Variants in CACNA1C observed in about 807,000 individuals in gnomAD.
CACNA1C encodes the protein voltage-dependent L-type calcium channel subunit alpha-1C.
CACNA1C carries 30 observed loss-of-function variants against 229.0 expected under a neutral mutation model. The ratio of observed to expected loss-of-function variants is 0.13; its 90% CI spans 0.10 to 0.18. The LOEUF (loss-of-function observed/expected upper bound fraction) is 0.18, where lower values mean the gene tolerates loss of function less well. Among genes scored for constraint, CACNA1C ranks in the 10% least tolerant of loss-of-function variants. CACNA1C has a pLI of 1.00. For missense variants in CACNA1C, 1,658 were observed against 2,845.0 expected, an observed-to-expected ratio of 0.58 and a Z score of 9.49; for synonymous variants, 1,114 against 1,132.5, an observed-to-expected ratio of 0.98 and a Z score of 0.33.
intron 1 of CACNA1C, among the ~76,000 whole-genome samples, chr12:2,064,194 T>C (rs1212537855): frequency 6.6e-6 from 1 of 152,238 alleles, no homozygotes; most frequent in Non-Finnish European, 1.5e-5. Context: ...CCGGTGTCTC[T>C]ATATCCAGTT....
intron 1 of CACNA1C, among the ~76,000 whole-genome samples, chr12:2,075,516 G>A (rs760450862): frequency 2.0e-5 from 3 of 152,248 alleles, no homozygotes; most frequent in African/African-American, 4.8e-5. Flanking sequence ...GAATTTGAAC[G>A]TAGGCAGCTT....
intron 3 of CACNA1C, among the ~76,000 whole-genome samples, chr12:2,279,257 T>C (rs1025744673): frequency 6.6e-6 from 1 of 152,242 alleles, no homozygotes; most frequent in African/African-American, 2.4e-5. Flanking sequence ...CTAGACCATC[T>C]GTTCAGTTCC....
intron 3 of CACNA1C, among the ~76,000 whole-genome samples, chr12:2,210,707 A>G (rs1227407316): frequency 6.6e-6 from 1 of 152,216 alleles, no homozygotes; most frequent in Non-Finnish European, 1.5e-5. Context: ...CATTTCATTG[A>G]TCAAAGTGTA....
rs1269186287 is a variant in CACNA1C, at chr12:2,167,718, T to C, written c.477+47288T>C. 2.0e-5 allele frequency among the ~76,000 whole-genome samples: 3 copies of C among 152,230 alleles called. No individual in the cohort carries two copies. The East Asian group carries it at 5.8e-4, about 29-fold the overall frequency. On this transcript the variant is annotated intron_variant, in intron 3 of 46. Transcript: ENST00000399655. ...GAGGCTTTCTCCTTTTGGGGATTTC[T>C]GCTTCCATTTTCCAGCTGCCCCAAC...
intron 1 of CACNA1C, among the ~76,000 whole-genome samples, chr12:2,056,993 C>A (rs1385516685): frequency 1.3e-5 from 2 of 152,182 alleles, no homozygotes; most frequent in African/African-American, 2.4e-5. Context: ...ATTGATAATG[C>A]AGTCTCCTAA....
chr12:2,686,106 TG>T, intron 44 of CACNA1C, 59 bp from the exon 45 acceptor site: 1 of 1,331,062 alleles, frequency 7.5e-7, no homozygotes, highest in Non-Finnish European at 1.1e-6. Flanking sequence ...GGGTGTAAAC[TG>T]TCACAGGCCA....
intron 7 of CACNA1C, among the ~76,000 whole-genome samples, chr12:2,501,426 G>A (rs929510359): frequency 6.6e-6 from 1 of 152,114 alleles, no homozygotes; most frequent in African/African-American, 2.4e-5. Context: ...TGCCTTCCCT[G>A]TATCAGAGAG....
chr12:2,446,181 A>C (rs2099276046), intron 3 of CACNA1C, among the ~76,000 whole-genome samples: 1 of 145,642 alleles, frequency 6.9e-6, no homozygotes, highest in African/African-American at 2.6e-5. Flanking sequence ...GGATGGATGG[A>C]TATATGTAGG....
chr12:2,221,034 T>A (rs2061341553), intron 3 of CACNA1C, among the ~76,000 whole-genome samples: 1 of 152,202 alleles, frequency 6.6e-6, no homozygotes, highest in African/African-American at 2.4e-5. Context: ...GGAGGTCCCC[T>A]CTGGGACCTG....
At chr12:2,497,277 A>G (rs1375026580) in intron 7 of CACNA1C, among the ~76,000 whole-genome samples, 3 of 152,236 alleles carry the variant, frequency 2.0e-5, no homozygotes, top group Non-Finnish European at 2.9e-5. Context: ...CAATCAGGTA[A>G]CAGAAATATC....
intron 3 of CACNA1C, among the ~76,000 whole-genome samples, chr12:2,171,693 A>G (rs548358190): frequency 1.4e-4 from 21 of 152,330 alleles, no homozygotes; most frequent in African/African-American, 4.8e-4. Flanking sequence ...GGCTGGTGCT[A>G]TGGCAGGAAG....
rs1231346771 is a variant in CACNA1C at position 2,053,905 on chromosome 12, C to T, written c.49+294C>T. ...GAGGGGGGAAAAGTTCCCCAAGTGG[C>T]TGCCGCCGCCTCGCTTTCTCGCGTC... On this transcript the variant is annotated intron_variant, in intron 1 of 46. Coordinates refer to ENST00000399655, the MANE Select transcript of CACNA1C (RefSeq NM_000719.7). This position sits in a 1 kb window ranked among gnomAD's most constrained non-coding sequence, Gnocchi z 5.8. 6.7e-6 allele frequency among the ~76,000 whole-genome samples: 1 copy of T among 148,812 alleles called. No individual in the cohort carries two copies. Among genetic ancestry groups the T allele is most frequent in the African/African-American group, 2.5e-5 (1 of 40,718 alleles).
At chr12:2,194,505 A>G (rs984874280) in intron 3 of CACNA1C, among the ~76,000 whole-genome samples, 1 of 150,520 alleles carries the variant, frequency 6.6e-6, no homozygotes, top group African/African-American at 2.5e-5. Flanking sequence ...CTGTTCATGT[A>G]CTGTTCTTTC....
At chr12:2,670,716 G>A (rs1009545753) in intron 38 of CACNA1C, among the ~76,000 whole-genome samples, 15 of 151,846 alleles carry the variant, frequency 9.9e-5, no homozygotes, top group East Asian at 7.9e-4. Context: ...AAAATTAGCC[G>A]GGCGTGGTGG....
intron 31 of CACNA1C, among the ~76,000 whole-genome samples, chr12:2,650,038 G>A (rs1277167396): frequency 1.3e-5 from 2 of 152,182 alleles, no homozygotes; most frequent in Non-Finnish European, 2.9e-5. Flanking sequence ...CAGCCCCTCA[G>A]GTACCCGTGC....
chr12:2,360,835 GT>G lies in CACNA1C; in HGVS notation c.478-88131del, dbSNP rs368298579. Among the ~76,000 whole-genome samples the G allele has an allele frequency of 5.5e-3, 830 of 150,620 alleles. 6 individuals are homozygous for G. Among genetic ancestry groups the G allele is most frequent in the African/African-American group, 8.0e-3 (328 of 41,008 alleles). ...CGTAGTGAAGTATTTTAAATTCAAT[GT>G]TTTTTTTTTCTTTGCATAACTTATC... On this transcript the variant is annotated intron_variant, in intron 3 of 46. Transcript: ENST00000399655.
At chr12:2,179,522 A>G (rs1310117916) in intron 3 of CACNA1C, among the ~76,000 whole-genome samples, 1 of 152,206 alleles carries the variant, frequency 6.6e-6, no homozygotes, top group Non-Finnish European at 1.5e-5. Flanking sequence ...CGCACCACAG[A>G]AACTCCGGGC....
Position 2,319,834 on chromosome 12 carries a change from AG to A in CACNA1C, c.478-129141del, listed in dbSNP as rs2095883300. The stretch of plus-strand genomic sequence containing the variant: ...AAGAGCCTGCCAGGTATCCCCTTCT[AG>A]CAGGAGGGGCCCCCAGACATTTCAC... On this transcript the variant is annotated intron_variant, in intron 3 of 46. Transcript: ENST00000399655. The surrounding 1 kb of genome is among the most constrained non-coding windows in gnomAD (Gnocchi z 4.0). Among the ~76,000 whole-genome samples the A allele has an allele frequency of 1.3e-5, 2 of 152,026 alleles. No individual in the cohort carries two copies.
At chr12:2,485,741 A>C (rs1295376765) in intron 5 of CACNA1C, among the ~76,000 whole-genome samples, 3 of 152,214 alleles carry the variant, frequency 2.0e-5, no homozygotes, top group South Asian at 2.1e-4. Context: ...TCTTGAGTCC[A>C]CATGAGCTCT....
Sources: allele counts gnomAD v4.1 joint callset (sites outside exome capture counted in the v4.1 genomes callset), GRCh38; gene constraint gnomAD v4.1.1; non-coding constraint Gnocchi (gnomAD v3.1); transcripts MANE v1.5; gene names NCBI Gene and HGNC (gene_info 2026-07-23, HGNC 2026-07-21).